The following CMSS1 variants were observed in gnomAD, a reference collection of about 807,000 sequenced individuals.
The protein encoded by CMSS1 is cms1 ribosomal small subunit homolog.
CMSS1 carries 33 observed loss-of-function variants against 43.5 expected under a neutral mutation model. The ratio of observed to expected loss-of-function variants is 0.76; its 90% CI spans 0.57 to 1.01. The LOEUF (loss-of-function observed/expected upper bound fraction) is 1.01, where lower values mean the gene tolerates loss of function less well. Ranked by LOEUF, CMSS1 falls within the 50% of genes least tolerant of loss-of-function variation. CMSS1 has a pLI of 0.00. For synonymous variants in CMSS1, 115 were observed against 117.2 expected (o/e 0.98, Z 0.12); for missense variants, 313 against 326.4 (o/e 0.96, Z 0.32).
At chr3:99,905,120 T>C (rs1706571100) in intron 1 of CMSS1, among the ~76,000 whole-genome samples, 1 of 152,218 alleles carries the variant, frequency 6.6e-6, no homozygotes, top group Non-Finnish European at 1.5e-5. Flanking sequence ...CATAGACTGC[T>C]TCTTGTCTAC....
chr3:99,861,098 C>G, intron 1 of CMSS1, among the ~76,000 whole-genome samples: 1 of 152,076 alleles, frequency 6.6e-6, no homozygotes, highest in East Asian at 1.9e-4. Flanking sequence ...CACCACCACT[C>G]TGAATTGGGG....
At chr3:99,887,949 A>C (rs1423723828) in intron 1 of CMSS1, among the ~76,000 whole-genome samples, 1 of 151,966 alleles carries the variant, frequency 6.6e-6, no homozygotes, top group African/African-American at 2.4e-5. Context: ...CATGTTGCCC[A>C]GGCTCATCTT....
chr3:99,985,489 C>A (rs1709311917), intron 1 of CMSS1, among the ~76,000 whole-genome samples: 1 of 152,076 alleles, frequency 6.6e-6, no homozygotes, highest in African/African-American at 2.4e-5. Context: ...GACAGCAAGA[C>A]CCTGTCTCAA....
intron 1 of CMSS1, among the ~76,000 whole-genome samples, chr3:100,011,362 G>A (rs1454351301): frequency 1.3e-5 from 2 of 152,104 alleles, no homozygotes; most frequent in Non-Finnish European, 2.9e-5. Flanking sequence ...CATGCCCAGC[G>A]TGTTTCTTGA....
At chr3:99,878,296 A>C (rs1296095323) in intron 1 of CMSS1, among the ~76,000 whole-genome samples, 2 of 152,218 alleles carry the variant, frequency 1.3e-5, no homozygotes, top group African/African-American at 4.8e-5. Context: ...AGTGCTCTAC[A>C]AGCATTTCAT....
chr3:99,928,737 A>G (rs1224275449), intron 1 of CMSS1, among the ~76,000 whole-genome samples: 4 of 152,208 alleles, frequency 2.6e-5, no homozygotes, highest in Admixed American at 2.6e-4. Context: ...TTGAGCTCAC[A>G]GGGGTTGGGG....
chr3:99,938,996 A>G (rs888375850), intron 1 of CMSS1, among the ~76,000 whole-genome samples: 16 of 152,230 alleles, frequency 1.1e-4, no homozygotes, highest in African/African-American at 3.9e-4. Flanking sequence ...CATTTTCAGT[A>G]AAAATCATTG....
intron 1 of CMSS1, among the ~76,000 whole-genome samples, chr3:99,841,104 G>A (rs747431832): frequency 1.2e-4 from 18 of 152,200 alleles, no homozygotes; most frequent in Non-Finnish European, 7.3e-5. Context: ...TGGATTGATC[G>A]ATTGTGTACA....
intron 1 of CMSS1, among the ~76,000 whole-genome samples, chr3:100,065,410 C>T (rs1324379040): frequency 6.6e-6 from 1 of 152,174 alleles, no homozygotes; most frequent in Admixed American, 6.5e-5. Flanking sequence ...AGTAACTTTG[C>T]CTAAAATCAT....
At chr3:99,845,289 A>G (rs1369417674) in intron 1 of CMSS1, among the ~76,000 whole-genome samples, 1 of 152,208 alleles carries the variant, frequency 6.6e-6, no homozygotes, top group Non-Finnish European at 1.5e-5. Context: ...TAGAAAAAAC[A>G]TGATAAAATC....
intron 1 of CMSS1, among the ~76,000 whole-genome samples, chr3:100,068,290 C>T (rs952392765): frequency 1.3e-5 from 2 of 151,838 alleles, no homozygotes; most frequent in Non-Finnish European, 2.9e-5. Context: ...GCAATTTTGC[C>T]ATGTTATTAT....
intron 1 of CMSS1, among the ~76,000 whole-genome samples, chr3:99,903,496 T>C (rs1706509515): frequency 6.6e-6 from 1 of 152,080 alleles, no homozygotes; most frequent in Admixed American, 6.5e-5. Context: ...GTGATCCACC[T>C]GCCTCGGCCT....
chr3:100,156,558 C>T (rs1260264785), intron 2 of CMSS1, among the ~76,000 whole-genome samples: 7 of 152,032 alleles, frequency 4.6e-5, no homozygotes, highest in African/African-American at 1.4e-4. Flanking sequence ...CCGCCCTCCT[C>T]GGCCTCCCAA....
chr3:100,026,033 C>T (rs1274704578), intron 1 of CMSS1, among the ~76,000 whole-genome samples: 1 of 152,070 alleles, frequency 6.6e-6, no homozygotes, highest in Non-Finnish European at 1.5e-5. Flanking sequence ...TGACCTGAGT[C>T]TTGGGATTTA....
intron 1 of CMSS1, among the ~76,000 whole-genome samples, chr3:100,008,993 G>A (rs1710067185): frequency 6.6e-6 from 1 of 152,212 alleles, no homozygotes; most frequent in Non-Finnish European, 1.5e-5. Context: ...CATATGCAAC[G>A]ATAGTTTTAG....
At chr3:99,933,274 C>G (rs1431008228) in intron 1 of CMSS1, among the ~76,000 whole-genome samples, 1 of 152,082 alleles carries the variant, frequency 6.6e-6, no homozygotes, top group Non-Finnish European at 1.5e-5. Context: ...AGACTATTTA[C>G]AAATACGGTA....
At chr3:100,006,020 A>G (rs1276764722) in intron 1 of CMSS1, among the ~76,000 whole-genome samples, 1 of 152,172 alleles carries the variant, frequency 6.6e-6, no homozygotes, top group East Asian at 1.9e-4. Context: ...GTAGTTTGAT[A>G]GGAAGTGGGA....
chr3:99,877,290 GTC>G (rs1383980784), intron 1 of CMSS1, among the ~76,000 whole-genome samples: 1 of 152,094 alleles, frequency 6.6e-6, no homozygotes, highest in Non-Finnish European at 1.5e-5. Context: ...ATGTACATAT[GTC>G]TGTAGAATTA....
chr3:100,065,614 C>T (rs1020492598), intron 1 of CMSS1, among the ~76,000 whole-genome samples: 2 of 152,200 alleles, frequency 1.3e-5, no homozygotes, highest in Non-Finnish European at 2.9e-5. Context: ...AAAGTATTCA[C>T]TTTAACCATT....
Sources: gnomAD v4.1 joint callset for allele counts (sites outside exome capture counted in the v4.1 genomes callset) on GRCh38, gnomAD v4.1.1 for gene constraint, MANE v1.5 for transcripts, NCBI Gene and HGNC (gene_info 2026-07-23, HGNC 2026-07-21) for gene names.